The following KIAA1217 variants were observed in gnomAD, a reference collection of about 807,000 sequenced individuals.
The protein encoded by KIAA1217 is KIAA1217.
Under a neutral mutation model 163.9 loss-of-function variants are expected in KIAA1217, and 88 were observed. That is an observed-to-expected ratio of 0.54 (90% CI 0.45 to 0.64). The LOEUF (loss-of-function observed/expected upper bound fraction) is 0.64, where lower values mean the gene tolerates loss of function less well. Ranked by LOEUF, KIAA1217 falls within the 30% of genes least tolerant of loss-of-function variation. The pLI is 0.00. For synonymous variants in KIAA1217, 903 were observed against 923.1 expected (o/e 0.98, Z 0.39); for missense variants, 2,372 against 2,475.0 (o/e 0.96, Z 0.88).
chr10:23,919,627 A>T (rs1842774324), intron 1 of KIAA1217, among the ~76,000 whole-genome samples: 1 of 151,504 alleles, frequency 6.6e-6, no homozygotes, highest in African/African-American at 2.4e-5. Context: ...AAAAAAAAAA[A>T]AAAAGGCTCT....
In KIAA1217 at chr10:23,802,297, A is replaced by G. The variant is rs575856981; in HGVS notation, c.-321+107063A>G. ...GGGAACATCTACGGTGTCTGTTCCA[A>G]CACATGATGAAAGAGTGATTGAGGG... On this transcript the variant is annotated intron_variant, in intron 1 of 18. Transcript: ENST00000376462. Among the ~76,000 whole-genome samples, 11 of 152,336 alleles carry G rather than the reference A, an allele frequency of 7.2e-5. No individual in the cohort carries two copies. In the South Asian group the frequency reaches 1.4e-3, roughly 20 times the overall value.
chr10:23,973,934 A>G (rs570873709), intron 1 of KIAA1217, among the ~76,000 whole-genome samples: 218 of 152,370 alleles, frequency 1.4e-3, no homozygotes, highest in Non-Finnish European at 2.4e-3. Flanking sequence ...TCCTAGAATC[A>G]GATGTTAACC....
intron 1 of KIAA1217, among the ~76,000 whole-genome samples, chr10:23,805,965 G>A (rs574426522): frequency 1.7e-5 from 2 of 114,376 alleles, no homozygotes; most frequent in East Asian, 2.7e-4. Flanking sequence ...GCAGTGACTC[G>A]AGCCTGGGCA....
At chr10:23,741,278 C>T (rs962822379) in intron 1 of KIAA1217, among the ~76,000 whole-genome samples, 3 of 148,018 alleles carry the variant, frequency 2.0e-5, no homozygotes, top group African/African-American at 7.9e-5. Flanking sequence ...AGAATACACA[C>T]TCTGACAACA....
chr10:23,907,029 C>T (rs1842189624), intron 1 of KIAA1217, among the ~76,000 whole-genome samples: 1 of 152,014 alleles, frequency 6.6e-6, no homozygotes, highest in Non-Finnish European at 1.5e-5. Flanking sequence ...GTATGTGAAG[C>T]TGTCTGAGGC....
intron 2 of KIAA1217, among the ~76,000 whole-genome samples, chr10:24,083,978 A>G (rs1038030748): frequency 3.3e-5 from 5 of 152,190 alleles, no homozygotes; most frequent in East Asian, 3.9e-4. Flanking sequence ...TTCAGGAGAG[A>G]AACCTAAGAG....
intron 1 of KIAA1217, among the ~76,000 whole-genome samples, chr10:23,969,195 T>G (rs1018677978): frequency 2.0e-5 from 3 of 152,108 alleles, no homozygotes; most frequent in African/African-American, 7.2e-5. Context: ...CCACTATGCC[T>G]GCCTAATTTT....
chr10:23,918,241 T>C (rs75935012), intron 1 of KIAA1217, among the ~76,000 whole-genome samples: 5,171 of 151,376 alleles, frequency 0.034, 295 homozygotes, highest in African/African-American at 0.12. Context: ...GTGATCTTCC[T>C]GTCTTAGCCT....
chr10:23,830,946 C>T (rs1473395695), intron 1 of KIAA1217, among the ~76,000 whole-genome samples: 1 of 150,446 alleles, frequency 6.6e-6, no homozygotes, highest in Non-Finnish European at 1.5e-5. Flanking sequence ...CAAATGCCCA[C>T]AGGTATTGAG....
rs1252754548 is a variant in KIAA1217 at position 24,326,230 on chromosome 10, A to G, written c.355-54639A>G. Among the ~76,000 whole-genome samples the G allele has an allele frequency of 2.0e-5, 3 of 152,308 alleles. No homozygotes were observed. In the East Asian group the frequency reaches 5.8e-4, roughly 29 times the overall value. On this transcript the variant is annotated intron_variant, in intron 2 of 20. Transcript: ENST00000376454. ...TGTTAGATAAGTTGTAAAAGTTCCCATAGGCTACCATTTTAATCATTGTCT... is the reference window on the plus strand; with the variant it reads ...TGTTAGATAAGTTGTAAAAGTTCCCGTAGGCTACCATTTTAATCATTGTCT...
At chr10:24,396,900 T>TA (rs913092688) in intron 3 of KIAA1217, among the ~76,000 whole-genome samples, 1 of 152,138 alleles carries the variant, frequency 6.6e-6, no homozygotes, top group African/African-American at 2.4e-5. Context: ...CTATTCTGGC[T>TA]ACTGGGTTTG....
intron 2 of KIAA1217, among the ~76,000 whole-genome samples, chr10:24,354,833 C>G (rs990010843): frequency 7.0e-6 from 1 of 143,706 alleles, no homozygotes; most frequent in African/African-American, 2.8e-5. Context: ...CATGGCAGAC[C>G]AAAAGGCAAC....
chr10:24,219,914 G>T lies in KIAA1217; in HGVS notation c.354+5G>T. ...CAAGAGAGGCTGAGAGACCAGGTAC[G>T]AATATGCTCTCATTTCTCCTTGTGT... On this transcript the variant is annotated splice_donor_5th_base_variant and intron_variant, in intron 2 of 20. Transcript: ENST00000376454. 1 of 1,579,812 alleles carries T rather than the reference G, an allele frequency of 6.3e-7. No homozygotes were observed. Among genetic ancestry groups the T allele is most frequent in the South Asian group, 1.2e-5 (1 of 85,090 alleles).
chr10:24,045,434 T>C (rs1589285746), intron 2 of KIAA1217, among the ~76,000 whole-genome samples: 1 of 152,108 alleles, frequency 6.6e-6, no homozygotes, highest in Non-Finnish European at 1.5e-5. Context: ...AATTTCTTTC[T>C]CCGTATTTGC....
At chr10:23,989,886 C>T (rs1846144269) in intron 1 of KIAA1217, among the ~76,000 whole-genome samples, 1 of 152,120 alleles carries the variant, frequency 6.6e-6, no homozygotes, top group African/African-American at 2.4e-5. Flanking sequence ...TCTTTTTGAG[C>T]CTCTTTTCTA....
At chr10:23,732,138 T>G (rs1333280733) in intron 1 of KIAA1217, among the ~76,000 whole-genome samples, 1 of 152,114 alleles carries the variant, frequency 6.6e-6, no homozygotes, top group African/African-American at 2.4e-5. Context: ...GCTTGTATTT[T>G]CTGAAAGAGA....
chr10:23,889,650 A>G (rs1005416764), intron 1 of KIAA1217, among the ~76,000 whole-genome samples: 4 of 151,866 alleles, frequency 2.6e-5, no homozygotes, highest in Admixed American at 6.6e-5. Flanking sequence ...GTATTTTCCC[A>G]AAGTAGTATT....
At chr10:24,320,468 G>C (rs1184492943) in intron 2 of KIAA1217, among the ~76,000 whole-genome samples, 2 of 152,114 alleles carry the variant, frequency 1.3e-5, no homozygotes, top group Non-Finnish European at 2.9e-5. Flanking sequence ...CCTAATCCTG[G>C]TTTGCAATTT....
intron 1 of KIAA1217, among the ~76,000 whole-genome samples, chr10:23,733,221 C>T (rs1564374947): frequency 6.6e-6 from 1 of 152,114 alleles, no homozygotes; most frequent in Non-Finnish European, 1.5e-5. Flanking sequence ...CCATATTGGC[C>T]AGGCTGGTCT....
Sources: gnomAD v4.1 joint callset for allele counts (sites outside exome capture counted in the v4.1 genomes callset) on GRCh38, gnomAD v4.1.1 for gene constraint, MANE v1.5 for transcripts, NCBI Gene and HGNC (gene_info 2026-07-23, HGNC 2026-07-21) for gene names.